The following DPP6 variants were observed in gnomAD, a reference collection of about 807,000 sequenced individuals.
The protein encoded by DPP6 is dipeptidyl peptidase like 6.
DPP6 carries 69 observed loss-of-function variants against 122.6 expected under a neutral mutation model. That is an observed-to-expected ratio of 0.56 (90% CI 0.46 to 0.69). The LOEUF is 0.69. Ranked by LOEUF, DPP6 falls within the 30% of genes least tolerant of loss-of-function variation. DPP6 has a pLI of 0.00. For missense variants in DPP6, 928 were observed against 1,116.9 expected (o/e 0.83, Z 2.41); for synonymous variants, 418 against 433.1 (o/e 0.97, Z 0.43).
intron 5 of DPP6, among the ~76,000 whole-genome samples, chr7:154,580,156 C>T (rs1831959416): frequency 6.9e-6 from 1 of 144,716 alleles, no homozygotes; most frequent in South Asian, 2.2e-4. Context: ...CCCTTACACA[C>T]ACACACACAC....
At chr7:154,592,726 C>G (rs1390038592) in intron 5 of DPP6, among the ~76,000 whole-genome samples, 1 of 152,092 alleles carries the variant, frequency 6.6e-6, no homozygotes, top group Non-Finnish European at 1.5e-5. Flanking sequence ...AGGGAGCAGG[C>G]CAGCGTGGCT....
At chr7:154,237,710 C>T (rs534878386) in intron 1 of DPP6, among the ~76,000 whole-genome samples, 1 of 152,290 alleles carries the variant, frequency 6.6e-6, no homozygotes, top group Admixed American at 6.5e-5. Flanking sequence ...TAATGTAGTC[C>T]TGGCCCAGCA....
intron 1 of DPP6, among the ~76,000 whole-genome samples, chr7:154,341,046 A>G (rs906769342): frequency 2.0e-5 from 3 of 152,208 alleles, no homozygotes; most frequent in Non-Finnish European, 4.4e-5. Flanking sequence ...TCTCTAATGA[A>G]TGGATTCAAG....
intron 1 of DPP6, among the ~76,000 whole-genome samples, chr7:154,425,621 G>GGTGTGTGTGTGT (rs3056535): frequency 1.6e-5 from 2 of 121,514 alleles, no homozygotes; most frequent in Middle Eastern, 3.8e-3. Flanking sequence ...TGTGTGTGTG[G>GGTGTGTGTGTGT]GTGTGTGTGT....
chr7:154,613,441 G>A (rs1834030192), intron 5 of DPP6, among the ~76,000 whole-genome samples: 1 of 151,730 alleles, frequency 6.6e-6, no homozygotes, highest in African/African-American at 2.4e-5. Flanking sequence ...CCAACATGGT[G>A]AAACCCCGTC....
chr7:153,966,542 G>C (rs1273517160), intron 1 of DPP6, among the ~76,000 whole-genome samples: 1 of 101,116 alleles, frequency 9.9e-6, no homozygotes, highest in African/African-American at 3.9e-5. Flanking sequence ...TAAACGGTCT[G>C]TCCTGTGTTG....
intron 17 of DPP6, among the ~76,000 whole-genome samples, chr7:154,865,026 C>T (rs1254581014): frequency 6.6e-6 from 1 of 152,172 alleles, no homozygotes; most frequent in Non-Finnish European, 1.5e-5. Flanking sequence ...AATTCACATG[C>T]ATATATATGG....
At chr7:154,339,813 G>A (rs1809765634) in intron 1 of DPP6, among the ~76,000 whole-genome samples, 1 of 152,122 alleles carries the variant, frequency 6.6e-6, no homozygotes, top group South Asian at 2.1e-4. Context: ...AGTGGCTCAC[G>A]CCTGTAATCC....
At chr7:154,154,949 G>C (rs557212900) in intron 1 of DPP6, among the ~76,000 whole-genome samples, 3 of 152,254 alleles carry the variant, frequency 2.0e-5, no homozygotes, top group Admixed American at 6.5e-5. Context: ...TGCTCTCTCT[G>C]AACTGCCAAC....
intron 1 of DPP6, among the ~76,000 whole-genome samples, chr7:154,031,838 C>G (rs1226342657): frequency 1.3e-5 from 2 of 149,734 alleles, no homozygotes; most frequent in Admixed American, 6.7e-5. Context: ...AAACAGGAGT[C>G]TCATTCTTTT....
At chr7:154,305,197 G>C in intron 1 of DPP6, 1 of 1,071,250 alleles carries the variant, frequency 9.3e-7, no homozygotes, top group Non-Finnish European at 1.1e-6. Context: ...CCACTTGCCG[G>C]TTGCTAAGCA....
At chr7:154,527,191 A>G (rs746507169) in intron 3 of DPP6, among the ~76,000 whole-genome samples, 8 of 152,190 alleles carry the variant, frequency 5.3e-5, no homozygotes, top group Non-Finnish European at 1.0e-4. Flanking sequence ...ATAGTCGATG[A>G]GCTTCAATCT....
At chr7:154,701,666 A>T (rs1840536302) in intron 7 of DPP6, among the ~76,000 whole-genome samples, 1 of 152,104 alleles carries the variant, frequency 6.6e-6, no homozygotes. Flanking sequence ...CTGTTGATTT[A>T]TCCTCATTTC....
At position 154,036,268 on chromosome 7, in the gene DPP6, G is replaced by A. The variant is rs1470289799; in HGVS notation, c.51+148534G>A. 9.5e-5 allele frequency among the ~76,000 whole-genome samples: 13 copies of A among 136,302 alleles called. No homozygotes were observed. In the South Asian group the frequency reaches 2.8e-3, roughly 29 times the overall value. 89.4% of individuals were successfully genotyped at this position (136,302 alleles called of 152,430 possible). On this transcript the variant is annotated intron_variant, in intron 1 of 25. Transcript: ENST00000404039. ...TGGGATTACAGGTGCCCACCACCAC[G>A]CCTGGCTAATATTTATATTTTTAGC... is the stretch of plus-strand genomic sequence containing the variant.
intron 4 of DPP6, among the ~76,000 whole-genome samples, chr7:154,549,349 C>T (rs941079470): frequency 6.6e-6 from 1 of 152,184 alleles, no homozygotes; most frequent in African/African-American, 2.4e-5. Flanking sequence ...TCACTGACAA[C>T]AGATTGCAAC....
chr7:154,775,567 G>A (rs1796509074), intron 10 of DPP6, among the ~76,000 whole-genome samples: 1 of 152,080 alleles, frequency 6.6e-6, no homozygotes, highest in African/African-American at 2.4e-5. Context: ...ATTAATAAGG[G>A]AACCAGTGAG....
intron 2 of DPP6, among the ~76,000 whole-genome samples, chr7:154,460,354 T>G (rs150741559): frequency 2.0e-3 from 302 of 152,298 alleles, no homozygotes; most frequent in African/African-American, 6.7e-3. Flanking sequence ...GGTCAAAATT[T>G]AGCTGCTTTA....
At chr7:153,967,436 G>A (rs972768750) in intron 1 of DPP6, among the ~76,000 whole-genome samples, 3 of 152,184 alleles carry the variant, frequency 2.0e-5, no homozygotes, top group African/African-American at 7.2e-5. Context: ...CAGCCTGACA[G>A]GACAGCAGCT....
rs188195675 is a variant in DPP6, at chr7:154,125,599, A to G, written c.243+72536A>G. On this transcript the variant is annotated intron_variant, in intron 1 of 25. Coordinates refer to ENST00000377770, the MANE Select transcript of DPP6 (RefSeq NM_130797.4). Reference sequence around the variant, plus strand: ...CGTTCTAACACCCCATCGGTAGGGCACAGGCTTTGGTTATTTTATCAGTGC... The same window carrying G: ...CGTTCTAACACCCCATCGGTAGGGCGCAGGCTTTGGTTATTTTATCAGTGC... Among the ~76,000 whole-genome samples, 450 of 152,288 alleles carry G rather than the reference A, an allele frequency of 3.0e-3. 1 individual carries two copies. Among genetic ancestry groups the G allele is most frequent in the African/African-American group, 0.01 (434 of 41,562 alleles).
Sources: gnomAD v4.1 joint callset for allele counts (sites outside exome capture counted in the v4.1 genomes callset) on GRCh38, gnomAD v4.1.1 for gene constraint, MANE v1.5 for transcripts, NCBI Gene and HGNC (gene_info 2026-07-23, HGNC 2026-07-21) for gene names.